The following PIGN variants were observed in gnomAD, a reference collection of about 807,000 sequenced individuals.
The protein encoded by PIGN is phosphatidylinositol glycan anchor biosynthesis class N, also known as GPI ethanolamine phosphate transferase 1.
PIGN carries 117 observed loss-of-function variants against 125.4 expected under a neutral mutation model. The observed-to-expected ratio is 0.93, with a 90% CI of 0.80 to 1.09. PIGN has a LOEUF of 1.09. Among genes scored for constraint, PIGN ranks in the 50% least tolerant of loss-of-function variants. The pLI is 0.00. For missense variants in PIGN, 1,075 were observed against 1,094.9 expected, an observed-to-expected ratio of 0.98 and a Z score of 0.26; for synonymous variants, 392 against 377.8, an observed-to-expected ratio of 1.04 and a Z score of -0.44.
intron 30 of PIGN, chr18:62,059,190 A>AC (rs984611517): frequency 2.0e-5 from 3 of 151,034 alleles, no homozygotes; most frequent in African/African-American, 4.9e-5. Flanking sequence ...AAAAAAAAAA[A>AC]AAAAAAAACA....
intron 24 of PIGN, among the ~76,000 whole-genome samples, chr18:62,089,965 T>C (rs533386219): frequency 6.6e-6 from 1 of 152,280 alleles, no homozygotes; most frequent in East Asian, 1.9e-4. Context: ...TATTATGTGT[T>C]GCATACACAA....
intron 14 of PIGN, among the ~76,000 whole-genome samples, chr18:62,132,679 TA>T (rs201594780): frequency 1.1e-3 from 163 of 151,238 alleles, no homozygotes; most frequent in Middle Eastern, 3.4e-3. Flanking sequence ...CCATCTCTAT[TA>T]AAAAAAAATG....
intron 23 of PIGN, among the ~76,000 whole-genome samples, chr18:62,019,979 G>A (rs1295139783): frequency 6.6e-6 from 1 of 152,248 alleles, no homozygotes; most frequent in Non-Finnish European, 1.5e-5. Context: ...TATGGAGACA[G>A]TCAGAATGTG....
rs746574925 is a variant in PIGN at position 62,157,813 on chromosome 18, A to G, written c.222-5T>C. The G allele has an allele frequency of 6.2e-7, 1 of 1,604,828 alleles. No homozygotes were observed. The highest frequency in any genetic ancestry group is 8.5e-7 in the Non-Finnish European group (1 of 1,174,142). On this transcript the variant is annotated splice_region_variant and splice_polypyrimidine_tract_variant and intron_variant, in intron 4 of 30. Transcript: ENST00000640252. ...CCTTCATGCATTATGATATTCCTAA[A>G]AGATATTAAAGACAAATAGTTAACA...
At chr18:62,167,426 GT>G (rs1413933013) in intron 1 of PIGN, among the ~76,000 whole-genome samples, 3 of 151,196 alleles carry the variant, frequency 2.0e-5, no homozygotes, top group Non-Finnish European at 4.4e-5. Context: ...GAGGTCAGGA[GT>G]TCAAAACCAG....
intron 6 of PIGN, among the ~76,000 whole-genome samples, chr18:62,156,498 T>C (rs779480836): frequency 6.6e-6 from 1 of 152,012 alleles, no homozygotes; most frequent in Non-Finnish European, 1.5e-5. Flanking sequence ...ACTCAGCTAA[T>C]TTTTTGTTTG....
chr18:62,177,427 T>C (rs1239030842), intron 1 of PIGN, among the ~76,000 whole-genome samples: 4 of 152,186 alleles, frequency 2.6e-5, no homozygotes, highest in African/African-American at 9.6e-5. Context: ...TGACTTCCTT[T>C]AGTTCTTTGT....
In PIGN at chr18:62,033,207, C is replaced by G. The variant is rs550320986; in HGVS notation, c.2143-15466G>C. ...GTGGGAGGCAGAGCACTGCATCCCCCCAAGACCCCTTTAATAGAAATCCAC... is the reference window on the plus strand; with the variant it reads ...GTGGGAGGCAGAGCACTGCATCCCCGCAAGACCCCTTTAATAGAAATCCAC... On this transcript the variant is annotated intron_variant, in intron 23 of 24. Coordinates refer to the PIGN transcript ENST00000639600. Among the ~76,000 whole-genome samples, 11 of 152,280 alleles carry G rather than the reference C, an allele frequency of 7.2e-5. No homozygotes were observed. The South Asian group carries it at 1.9e-3, about 26-fold the overall frequency.
chr18:62,167,983 C>T (rs1017816028), intron 1 of PIGN, among the ~76,000 whole-genome samples: 3 of 152,108 alleles, frequency 2.0e-5, no homozygotes, highest in Non-Finnish European at 4.4e-5. Flanking sequence ...CACCTGAGGT[C>T]AGGAGTTTGA....
At chr18:62,114,880 A>G (rs2035029338) in intron 14 of PIGN, among the ~76,000 whole-genome samples, 1 of 152,234 alleles carries the variant, frequency 6.6e-6, no homozygotes, top group African/African-American at 2.4e-5. Flanking sequence ...TGAAAGTCAT[A>G]TAATCCATCA....
At chr18:62,172,809 A>C (rs1417883779) in intron 1 of PIGN, among the ~76,000 whole-genome samples, 9 of 152,208 alleles carry the variant, frequency 5.9e-5, no homozygotes, top group African/African-American at 1.2e-4. Context: ...TTAAAGTTAT[A>C]ATAGCCAACA....
intron 28 of PIGN, chr18:62,075,033 T>A: frequency 2.6e-6 from 1 of 382,752 alleles, no homozygotes; most frequent in Non-Finnish European, 4.7e-6. Context: ...GTGCTCTGAA[T>A]ATTTATTTCA....
At chr18:62,112,054 T>C (rs954981453) in intron 16 of PIGN, among the ~76,000 whole-genome samples, 2 of 152,172 alleles carry the variant, frequency 1.3e-5, no homozygotes, top group African/African-American at 4.8e-5. Flanking sequence ...TGAGTGGCCT[T>C]TAATAAGTAA....
At chr18:62,133,466 T>A (rs1041464504) in intron 14 of PIGN, among the ~76,000 whole-genome samples, 1 of 152,214 alleles carries the variant, frequency 6.6e-6, no homozygotes, top group African/African-American at 2.4e-5. Context: ...AATTAAGCTA[T>A]TCTTGAGAAT....
chr18:62,138,486 C>T (rs906725025), intron 13 of PIGN, among the ~76,000 whole-genome samples, 188 bp from the exon 14 acceptor site: 1 of 152,082 alleles, frequency 6.6e-6, no homozygotes, highest in Non-Finnish European at 1.5e-5. Context: ...TCTCAATAAG[C>T]TGAGAATTAA....
chr18:62,119,241 G>T lies in PIGN; in HGVS notation c.1173-4602C>A, dbSNP rs542091287. Among the ~76,000 whole-genome samples the T allele has an allele frequency of 2.0e-5, 3 of 151,952 alleles. No homozygotes were observed. The South Asian group carries it at 6.2e-4, about 32-fold the overall frequency. On this transcript the variant is annotated intron_variant, in intron 14 of 30. Coordinates refer to ENST00000640252, the MANE Select transcript of PIGN (RefSeq NM_176787.5). ...GATTCTAAAACTTTTAATATATAAA[G>T]ATAAGGATTCATTTTAAAACTACCA...
chr18:62,099,363 A>G (rs1157275491), intron 22 of PIGN, among the ~76,000 whole-genome samples: 2 of 152,200 alleles, frequency 1.3e-5, no homozygotes, highest in African/African-American at 4.8e-5. Context: ...TTCCACAATG[A>G]TAATGTAATA....
At chr18:62,177,299 C>G (rs958518258) in intron 1 of PIGN, among the ~76,000 whole-genome samples, 1 of 152,080 alleles carries the variant, frequency 6.6e-6, no homozygotes, top group African/African-American at 2.4e-5. Context: ...CTGCTGAATC[C>G]CTCTTGTGAA....
intron 1 of PIGN, among the ~76,000 whole-genome samples, chr18:62,185,051 T>C (rs1599713424): frequency 1.3e-5 from 2 of 152,354 alleles, no homozygotes; most frequent in African/African-American, 2.4e-5. Flanking sequence ...CTTATAAGCA[T>C]AATCCTCTTC....
Sources: allele counts gnomAD v4.1 joint callset (sites outside exome capture counted in the v4.1 genomes callset), GRCh38; gene constraint gnomAD v4.1.1; transcripts MANE v1.5; gene names NCBI Gene and HGNC (gene_info 2026-07-23, HGNC 2026-07-21).